The following SMARCA2 variants were observed in gnomAD, a reference collection of about 807,000 sequenced individuals.
SMARCA2 encodes the protein SWI/SNF-related matrix-associated actin-dependent regulator of chromatin subfamily A member 2.
Under a neutral mutation model 199.8 loss-of-function variants are expected in SMARCA2, and 61 were observed. The observed-to-expected ratio is 0.31, with a 90% confidence interval of 0.25 to 0.38. The LOEUF (loss-of-function observed/expected upper bound fraction) is 0.38, where lower values mean the gene tolerates loss of function less well. Among genes scored for constraint, SMARCA2 ranks in the 10% least tolerant of loss-of-function variants. The probability of loss-of-function intolerance (pLI) is 1.00; values close to 1 mark genes in which losing one functional copy is unlikely to be tolerated. For synonymous variants in SMARCA2, 935 were observed against 732.0 expected (o/e 1.28, Z -4.48); for missense variants, 1,344 against 2,012.2 (o/e 0.67, Z 6.35).
intron 19 of SMARCA2, among the ~76,000 whole-genome samples, chr9:2,095,023 A>G (rs1328722582): frequency 1.3e-5 from 2 of 152,128 alleles, no homozygotes; most frequent in African/African-American, 4.8e-5. Flanking sequence ...ATTTGTATAT[A>G]TTATACCTTT....
rs143892741 is a variant in SMARCA2 at position 2,072,910 on chromosome 9, G to A, written c.1747-302G>A. ...TTGCCACTGTGGTCTGCCCTGCACC[G>A]GTGCACCTGTTGGTTTCCACACCCT... On this transcript the variant is annotated intron_variant, in intron 10 of 33. Transcript: ENST00000349721. Among the ~76,000 whole-genome samples, 237 of 152,276 alleles carry A rather than the reference G, an allele frequency of 1.6e-3. 1 individual carries two copies. The highest frequency in any genetic ancestry group is 5.6e-3 in the African/African-American group (233 of 41,544).
intron 31 of SMARCA2, among the ~76,000 whole-genome samples, chr9:2,185,853 A>C (rs1040000953): frequency 6.6e-6 from 1 of 152,192 alleles, no homozygotes; most frequent in Non-Finnish European, 1.5e-5. Context: ...TTTATCTACT[A>C]TTCTCCTCCA....
chr9:2,052,798 T>G (rs1384602121), intron 5 of SMARCA2, among the ~76,000 whole-genome samples: 3 of 152,162 alleles, frequency 2.0e-5, no homozygotes, highest in African/African-American at 7.2e-5. Context: ...GGTTTCACTT[T>G]TTCACGTTAA....
intron 9 of SMARCA2, 79 bp downstream of exon 9, chr9:2,061,065 G>A (rs1820570490): frequency 7.5e-7 from 1 of 1,337,484 alleles, no homozygotes; most frequent in South Asian, 1.4e-5. Flanking sequence ...TGCTCTTTAA[G>A]TACTACTTCT....
chr9:2,136,273 C>T (rs930733125), intron 27 of SMARCA2, among the ~76,000 whole-genome samples: 3 of 149,988 alleles, frequency 2.0e-5, no homozygotes, highest in East Asian at 2.0e-4. Context: ...CTGCAACCTG[C>T]GCTTCTCGGG....
intron 27 of SMARCA2, among the ~76,000 whole-genome samples, chr9:2,132,400 T>C (rs1210793305): frequency 6.6e-6 from 1 of 152,216 alleles, no homozygotes; most frequent in African/African-American, 2.4e-5. Context: ...TTAGTGATTC[T>C]CGTAGATGTA....
chr9:2,061,200 A>G (rs1421172137), intron 9 of SMARCA2, among the ~76,000 whole-genome samples: 1 of 152,228 alleles, frequency 6.6e-6, no homozygotes, highest in African/African-American at 2.4e-5. Context: ...GATATACTAA[A>G]CTAAAACAAT....
intron 27 of SMARCA2, among the ~76,000 whole-genome samples, chr9:2,148,145 T>G (rs1824863375): frequency 6.6e-6 from 1 of 151,776 alleles, no homozygotes; most frequent in South Asian, 2.1e-4. Flanking sequence ...CTTGTATTGT[T>G]CATGCTCTTT....
intron 28 of SMARCA2, among the ~76,000 whole-genome samples, chr9:2,167,853 G>A (rs911385897): frequency 1.4e-4 from 22 of 152,220 alleles, no homozygotes; most frequent in African/African-American, 5.3e-4. Flanking sequence ...TCATCATGCA[G>A]TGGAAGAGAT....
intron 27 of SMARCA2, chr9:2,159,430 C>G (rs1297029569): frequency 9.8e-6 from 2 of 204,498 alleles, no homozygotes; most frequent in Non-Finnish European, 2.0e-5. Flanking sequence ...ATCATTTAGA[C>G]TGCTCCAAAC....
chr9:2,038,857 A>G lies in SMARCA2; in HGVS notation c.356-609A>G, dbSNP rs190279060. Among the ~76,000 whole-genome samples the G allele has an allele frequency of 1.5e-4, 23 of 152,324 alleles. No individual in the cohort carries two copies. The East Asian group carries it at 4.4e-3, about 29-fold the overall frequency. On this transcript the variant is annotated intron_variant, in intron 3 of 33. Transcript: ENST00000349721. ...ACCTACAACATGTAGGCACTCAATAATTGCAAGTTATTCATAACATGCATA... is the reference window on the plus strand; with the variant it reads ...ACCTACAACATGTAGGCACTCAATAGTTGCAAGTTATTCATAACATGCATA...
At position 2,039,402 on chromosome 9, in the gene SMARCA2, AG is replaced by A; in HGVS notation, c.356-61del. 5 of 1,468,630 alleles carry A rather than the reference AG, an allele frequency of 3.4e-6. No homozygotes were observed. Among genetic ancestry groups the A allele is most frequent in the Non-Finnish European group, 4.7e-6 (5 of 1,072,902 alleles). The allele number at this position is 1,468,630 out of a possible 1,614,324, so 91.0% of individuals were successfully genotyped here. On this transcript the variant is annotated intron_variant, in intron 3 of 33. Transcript: ENST00000349721. This position sits in a 1 kb window ranked among gnomAD's most constrained non-coding sequence, Gnocchi z 4.8. ...GCTGTGGACAATTATTAGAGTATTC[AG>A]GGATATCTCTCTTTCAGGGTTGTCA... is the stretch of plus-strand genomic sequence containing the variant.
At chr9:2,077,881 A>T in intron 14 of SMARCA2, 105 bp downstream of exon 14, 2 of 1,001,744 alleles carry the variant, frequency 2.0e-6, no homozygotes, top group Non-Finnish European at 3.0e-6. Context: ...ATGATATTTT[A>T]GGCCACATCA....
intron 25 of SMARCA2, among the ~76,000 whole-genome samples, chr9:2,118,536 C>T (rs949207109): frequency 2.6e-5 from 4 of 152,142 alleles, no homozygotes; most frequent in Admixed American, 2.6e-4. Flanking sequence ...GTGTTTTCCT[C>T]TTTCTTCCCT....
At chr9:2,141,963 T>G (rs1444534466) in intron 27 of SMARCA2, among the ~76,000 whole-genome samples, 2 of 152,118 alleles carry the variant, frequency 1.3e-5, no homozygotes, top group African/African-American at 2.4e-5. Flanking sequence ...GACAGCCTCC[T>G]GGGGGCAGGT....
In SMARCA2 at chr9:2,169,996, T is replaced by TTTAA. The variant is rs1408052540; in HGVS notation, c.4200-420_4200-417dup. On this transcript the variant is annotated intron_variant, in intron 28 of 33. Coordinates refer to ENST00000349721, the MANE Select transcript of SMARCA2 (RefSeq NM_003070.5). The surrounding 1 kb of genome is among the most constrained non-coding windows in gnomAD (Gnocchi z 6.5). The stretch of plus-strand genomic sequence containing the variant: ...TACTGTAAGAAAGCACTTTATCCTA[T>TTTAA]TTAATTTTTATAACTTTCTGAGGTA... Among the ~76,000 whole-genome samples, 1 of 152,152 alleles carries TTTAA rather than the reference T, an allele frequency of 6.6e-6. No individual in the cohort carries two copies. The highest frequency in any genetic ancestry group is 1.5e-5 in the Non-Finnish European group (1 of 68,028).
In SMARCA2 at chr9:2,184,307, T is replaced by A. The variant is rs1827269710; in HGVS notation, c.4462-1789T>A. Among the ~76,000 whole-genome samples, 3 of 152,008 alleles carry A rather than the reference T, an allele frequency of 2.0e-5. No homozygotes were observed. The South Asian group carries it at 6.2e-4, about 32-fold the overall frequency. Reference sequence around the variant, plus strand: ...ACAGTACAGAGAGATTCTGTGTACCTTTTACTTCTCAAGATGGAAACATCT... The same window carrying A: ...ACAGTACAGAGAGATTCTGTGTACCATTTACTTCTCAAGATGGAAACATCT... On this transcript the variant is annotated intron_variant, in intron 31 of 33. Coordinates refer to ENST00000349721, the MANE Select transcript of SMARCA2 (RefSeq NM_003070.5).
intron 3 of SMARCA2, among the ~76,000 whole-genome samples, chr9:2,035,452 G>C (rs536882090): frequency 6.6e-6 from 1 of 152,262 alleles, no homozygotes; most frequent in East Asian, 1.9e-4. Flanking sequence ...CTCTAATAGT[G>C]GAGTCCTAGG....
intron 19 of SMARCA2, among the ~76,000 whole-genome samples, chr9:2,091,569 C>T (rs1292357838): frequency 6.6e-6 from 1 of 152,114 alleles, no homozygotes; most frequent in Non-Finnish European, 1.5e-5. Context: ...TTTTCATGTA[C>T]AGGTTTTTGT....
Sources: gnomAD v4.1 joint callset for allele counts (sites outside exome capture counted in the v4.1 genomes callset) on GRCh38, gnomAD v4.1.1 for gene constraint, Gnocchi (gnomAD v3.1) non-coding constraint, MANE v1.5 for transcripts, NCBI Gene and HGNC (gene_info 2026-07-23, HGNC 2026-07-21) for gene names.